DOCK5: variants seen among roughly 807,000 people sequenced by gnomAD.
DOCK5 encodes dedicator of cytokinesis protein 5.
In DOCK5, 142 loss-of-function variants were observed where a neutral mutation model predicts 251.8. The observed-to-expected ratio is 0.56, with a 90% CI of 0.49 to 0.65. DOCK5 has a LOEUF of 0.65. Ranked by LOEUF, DOCK5 falls within the 30% of genes least tolerant of loss-of-function variation. The probability of loss-of-function intolerance (pLI) is 0.00; values close to 1 mark genes in which losing one functional copy is unlikely to be tolerated. For synonymous variants in DOCK5, 842 were observed against 835.5 expected (o/e 1.01, Z -0.13); for missense variants, 2,111 against 2,312.3 (o/e 0.91, Z 1.79).
At chr8:25,278,342 G>T (rs187948856) in intron 4 of DOCK5, among the ~76,000 whole-genome samples, 1 of 152,170 alleles carries the variant, frequency 6.6e-6, no homozygotes, top group Non-Finnish European at 1.5e-5. Context: ...AGGCTGGGCC[G>T]CAGGCTCATT....
intron 40 of DOCK5, among the ~76,000 whole-genome samples, chr8:25,383,313 T>C (rs772094300): frequency 6.6e-5 from 10 of 152,168 alleles, no homozygotes; most frequent in Non-Finnish European, 1.5e-4. Context: ...TGCTTAAACA[T>C]TTATTATCCA....
chr8:25,221,538 A>C (rs567447042), intron 1 of DOCK5, among the ~76,000 whole-genome samples: 1 of 152,052 alleles, frequency 6.6e-6, no homozygotes, highest in East Asian at 1.9e-4. Context: ...CAATCTCTTG[A>C]CCTTGTGATC....
At chr8:25,196,694 A>G (rs1430622174) in intron 1 of DOCK5, among the ~76,000 whole-genome samples, 2 of 152,158 alleles carry the variant, frequency 1.3e-5, no homozygotes, top group Non-Finnish European at 1.5e-5. Context: ...ATCAAATCTC[A>G]TTGTACTTAA....
intron 1 of DOCK5, among the ~76,000 whole-genome samples, chr8:25,233,619 C>T: frequency 6.6e-6 from 1 of 152,180 alleles, no homozygotes; most frequent in East Asian, 1.9e-4. Context: ...GAATCACTTG[C>T]CCTAGAGTCC....
chr8:25,379,320 C>G (rs1586378523), intron 38 of DOCK5, among the ~76,000 whole-genome samples: 1 of 144,478 alleles, frequency 6.9e-6, no homozygotes, highest in East Asian at 1.9e-4. Flanking sequence ...AGACCTCCCC[C>G]CAAGGAATGC....
intron 28 of DOCK5, among the ~76,000 whole-genome samples, chr8:25,360,279 C>T (rs1800652970): frequency 6.6e-6 from 1 of 152,182 alleles, no homozygotes; most frequent in Non-Finnish European, 1.5e-5. Context: ...CCATGGTGGA[C>T]TCTCAATGCC....
intron 1 of DOCK5, among the ~76,000 whole-genome samples, chr8:25,194,303 A>G (rs1801663268): frequency 6.6e-6 from 1 of 152,146 alleles, no homozygotes; most frequent in Admixed American, 6.5e-5. Flanking sequence ...CAAAAAAATA[A>G]AAGATAATTG....
At chr8:25,318,149 C>T (rs1046673619) in intron 14 of DOCK5, among the ~76,000 whole-genome samples, 3 of 152,112 alleles carry the variant, frequency 2.0e-5, no homozygotes, top group Non-Finnish European at 2.9e-5. Context: ...AGTGCAGTGG[C>T]ACAATCTCTG....
intron 45 of DOCK5, among the ~76,000 whole-genome samples, chr8:25,396,876 TG>T (rs796974405): frequency 1.1e-4 from 17 of 151,996 alleles, no homozygotes; most frequent in African/African-American, 4.1e-4. Flanking sequence ...CTGTGTGCTC[TG>T]GGCAACATGC....
chr8:25,375,977 A>G (rs1210619095), intron 37 of DOCK5: 1 of 734,328 alleles, frequency 1.4e-6, no homozygotes, highest in African/African-American at 1.9e-5. Context: ...ACCTGCCTGT[A>G]GTCCCAGCTA....
chr8:25,217,756 A>G (rs1326781155), intron 1 of DOCK5, among the ~76,000 whole-genome samples: 1 of 152,216 alleles, frequency 6.6e-6, no homozygotes, highest in Non-Finnish European at 1.5e-5. Context: ...TATGCATGAC[A>G]TTAATCTAAC....
intron 1 of DOCK5, among the ~76,000 whole-genome samples, chr8:25,204,368 G>A (rs556673048): frequency 6.6e-6 from 1 of 152,244 alleles, no homozygotes; most frequent in African/African-American, 2.4e-5. Context: ...TTGTATTTCA[G>A]TCTCTGTTAC....
In DOCK5 at chr8:25,280,889, G is replaced by A. The variant is rs184855494; in HGVS notation, c.321+2224G>A. Among the ~76,000 whole-genome samples, 89 of 152,028 alleles carry A rather than the reference G, an allele frequency of 5.9e-4. No homozygotes were observed. In the East Asian group the frequency reaches 0.014, roughly 24 times the overall value. ...AAGGTTGATGGATGAGGAATTGCGT[G>A]TACGTGGGTTGGTTCCTTAACATGT... On this transcript the variant is annotated intron_variant, in intron 5 of 51. Transcript: ENST00000276440.
intron 21 of DOCK5, among the ~76,000 whole-genome samples, chr8:25,335,520 CTAT>C (rs965501786): frequency 3.3e-5 from 5 of 151,000 alleles, no homozygotes; most frequent in African/African-American, 9.7e-5. Context: ...TTATAAGTGA[CTAT>C]TATTATATTA....
rs1292494607 is a variant in DOCK5 at position 25,366,854 on chromosome 8, A to G, written c.3124-16A>G. The G allele has an allele frequency of 1.3e-5, 21 of 1,605,216 alleles. No homozygotes were observed. The Admixed American group carries it at 3.5e-4, about 27-fold the overall frequency. ...ATTTTTCATTTCCCTTTACCCACAC[A>G]ATTAATTTTGAACAGCTCTGGAACA... is the stretch of plus-strand genomic sequence containing the variant. On this transcript the variant is annotated splice_polypyrimidine_tract_variant and intron_variant, in intron 30 of 51. Coordinates refer to ENST00000276440, the MANE Select transcript of DOCK5 (RefSeq NM_024940.8).
At chr8:25,361,788 G>A (rs911508000) in intron 28 of DOCK5, among the ~76,000 whole-genome samples, 2 of 152,022 alleles carry the variant, frequency 1.3e-5, no homozygotes, top group Admixed American at 6.6e-5. Context: ...TCCCCATGCC[G>A]TTCAGCATCC....
At chr8:25,242,945 C>T (rs116956262) in intron 1 of DOCK5, among the ~76,000 whole-genome samples, 3 of 152,340 alleles carry the variant, frequency 2.0e-5, no homozygotes, top group Admixed American at 2.0e-4. Flanking sequence ...TAGAGATCAT[C>T]AGTTCCGTGT....
intron 2 of DOCK5, among the ~76,000 whole-genome samples, chr8:25,262,712 AT>A (rs576875751): frequency 8.7e-4 from 133 of 152,200 alleles, no homozygotes; most frequent in Non-Finnish European, 1.7e-3. Context: ...AAATCTCTTC[AT>A]TTCTAAATTC....
At chr8:25,269,402 C>T (rs1444735850) in intron 3 of DOCK5, among the ~76,000 whole-genome samples, 2 of 151,968 alleles carry the variant, frequency 1.3e-5, no homozygotes, top group South Asian at 2.1e-4. Context: ...AAAATGAAAC[C>T]GAAAAGTAGA....
Sources: gnomAD v4.1 joint callset for allele counts (sites outside exome capture counted in the v4.1 genomes callset) on GRCh38, gnomAD v4.1.1 for gene constraint, MANE v1.5 for transcripts, NCBI Gene and HGNC (gene_info 2026-07-23, HGNC 2026-07-21) for gene names.